THSD7B: variants seen among roughly 807,000 people sequenced by gnomAD.
THSD7B encodes thrombospondin type-1 domain-containing protein 7B.
In THSD7B, 138 loss-of-function variants were observed where a neutral mutation model predicts 213.6. The observed-to-expected ratio is 0.65, with a 90% CI of 0.56 to 0.74. The LOEUF (loss-of-function observed/expected upper bound fraction) is 0.74, where lower values mean the gene tolerates loss of function less well. Ranked by LOEUF, THSD7B falls within the 30% of genes least tolerant of loss-of-function variation. The pLI is 0.00. For synonymous variants in THSD7B, 742 were observed against 687.0 expected, an observed-to-expected ratio of 1.08 and a Z score of -1.25; for missense variants, 1,931 against 1,991.5, an observed-to-expected ratio of 0.97 and a Z score of 0.58.
chr2:137,042,264 A>C (rs1686897562), intron 2 of THSD7B, among the ~76,000 whole-genome samples: 1 of 152,220 alleles, frequency 6.6e-6, no homozygotes, highest in Admixed American at 6.5e-5. Flanking sequence ...TGAACTTATG[A>C]GATATGAATC....
At chr2:136,855,900 G>A (rs1371196411) in intron 1 of THSD7B, among the ~76,000 whole-genome samples, 1 of 151,622 alleles carries the variant, frequency 6.6e-6, no homozygotes, top group Non-Finnish European at 1.5e-5. Context: ...TCCTCTGCCT[G>A]GATTACCCCC....
intron 7 of THSD7B, among the ~76,000 whole-genome samples, chr2:137,184,277 G>C (rs1375586362): frequency 6.6e-6 from 1 of 152,170 alleles, no homozygotes; most frequent in Non-Finnish European, 1.5e-5. Flanking sequence ...GTCCCATGCA[G>C]GAGAGAGGAG....
chr2:137,548,892 G>A (rs1480894394), intron 15 of THSD7B, among the ~76,000 whole-genome samples: 1 of 151,734 alleles, frequency 6.6e-6, no homozygotes, highest in Non-Finnish European at 1.5e-5. Flanking sequence ...AAATTATATT[G>A]ATTTCCTGGG....
chr2:137,365,629 C>A (rs1685389377), intron 12 of THSD7B, among the ~76,000 whole-genome samples: 1 of 152,180 alleles, frequency 6.6e-6, no homozygotes, highest in South Asian at 2.1e-4. Context: ...AGCCAACAGA[C>A]ACATGGAAAA....
At chr2:137,028,463 T>G (rs1441206131) in intron 2 of THSD7B, among the ~76,000 whole-genome samples, 1 of 152,226 alleles carries the variant, frequency 6.6e-6, no homozygotes, top group Non-Finnish European at 1.5e-5. Context: ...CTCCAGAATG[T>G]AGATATTACA....
At chr2:137,063,099 C>A (rs1687309097) in intron 3 of THSD7B, among the ~76,000 whole-genome samples, 1 of 151,636 alleles carries the variant, frequency 6.6e-6, no homozygotes, top group Non-Finnish European at 1.5e-5. Flanking sequence ...CTAAATTCTC[C>A]ATTGTCTGGA....
At chr2:137,424,723 C>T (rs938769756) in intron 14 of THSD7B, among the ~76,000 whole-genome samples, 3 of 152,126 alleles carry the variant, frequency 2.0e-5, no homozygotes, top group African/African-American at 4.8e-5. Flanking sequence ...AGAGTTGGCT[C>T]TCCATATTTA....
At chr2:137,591,954 AAAG>A (rs1317548748) in intron 17 of THSD7B, among the ~76,000 whole-genome samples, 3 of 151,240 alleles carry the variant, frequency 2.0e-5, no homozygotes, top group Non-Finnish European at 4.4e-5. Context: ...TCTTTCTTTT[AAAG>A]AAGACTTCCA....
At chr2:137,254,234 C>T (rs1000240731) in intron 10 of THSD7B, among the ~76,000 whole-genome samples, 1 of 151,986 alleles carries the variant, frequency 6.6e-6, no homozygotes, top group Non-Finnish European at 1.5e-5. Context: ...ATAAAATATC[C>T]AAAAATAAGT....
intron 1 of THSD7B, among the ~76,000 whole-genome samples, chr2:136,789,170 G>GT (rs1553448494): frequency 1.3e-5 from 2 of 151,804 alleles, no homozygotes; most frequent in African/African-American, 4.8e-5. Flanking sequence ...TAACAGTTTG[G>GT]TTTTTTTAAG....
chr2:137,011,788 G>A (rs1374472560), intron 2 of THSD7B, among the ~76,000 whole-genome samples: 1 of 152,184 alleles, frequency 6.6e-6, no homozygotes, highest in Non-Finnish European at 1.5e-5. Flanking sequence ...CTAAGCACTA[G>A]AGTCTGTTCC....
At position 137,583,862 on chromosome 2, in the gene THSD7B, C is replaced by A. The variant is rs945188199; in HGVS notation, c.3423+11306C>A. ...ATATGAACTTTAAAGTAGTTTTTTC[C>A]AATTCTGTGAAGAAAGTCATTGGTA... On this transcript the variant is annotated intron_variant, in intron 17 of 27. Coordinates refer to ENST00000409968, the MANE Select transcript of THSD7B (RefSeq NM_001316349.2). 5.3e-5 allele frequency among the ~76,000 whole-genome samples: 8 copies of A among 152,054 alleles called. No homozygotes were observed. The East Asian group carries it at 5.8e-4, about 11-fold the overall frequency.
At chr2:137,288,987 C>G (rs1429954223) in intron 12 of THSD7B, among the ~76,000 whole-genome samples, 1 of 151,980 alleles carries the variant, frequency 6.6e-6, no homozygotes, top group African/African-American at 2.4e-5. Context: ...CTTGAGTGAA[C>G]TTGGTTGAAC....
At chr2:137,071,348 A>C (rs1687484558) in intron 3 of THSD7B, among the ~76,000 whole-genome samples, 1 of 152,208 alleles carries the variant, frequency 6.6e-6, no homozygotes, top group South Asian at 2.1e-4. Context: ...TGCTGCATAA[A>C]TGTCTTCTTT....
chr2:137,073,949 A>G (rs1211586043), intron 3 of THSD7B, among the ~76,000 whole-genome samples: 6 of 152,132 alleles, frequency 3.9e-5, no homozygotes, highest in African/African-American at 1.4e-4. Flanking sequence ...GGTCTGAGAG[A>G]CAGTTTGTTA....
At chr2:136,993,192 A>G (rs1428309347) in intron 2 of THSD7B, among the ~76,000 whole-genome samples, 1 of 152,244 alleles carries the variant, frequency 6.6e-6, no homozygotes, top group African/African-American at 2.4e-5. Context: ...TGTATATGAG[A>G]ACAAATCATT....
chr2:136,886,788 AGGAGCT>A (rs1219916772), intron 2 of THSD7B, among the ~76,000 whole-genome samples: 1 of 152,184 alleles, frequency 6.6e-6, no homozygotes, highest in African/African-American at 2.4e-5. Flanking sequence ...TGGGCTGAGA[AGGAGCT>A]GGTATACAGG....
chr2:137,039,519 C>T (rs1289916242), intron 2 of THSD7B, among the ~76,000 whole-genome samples: 1 of 152,142 alleles, frequency 6.6e-6, no homozygotes, highest in Non-Finnish European at 1.5e-5. Context: ...TATCTGGCCC[C>T]AAATGTTTAA....
At chr2:136,776,404 C>T (rs1427601) in intron 1 of THSD7B, among the ~76,000 whole-genome samples, 142,016 of 152,202 alleles carry the variant, frequency 0.93, 66,478 homozygotes, top group Non-Finnish European at 0.97. Context: ...AATGCCCTCC[C>T]ATGGCCTCCC....
Sources: allele counts gnomAD v4.1 joint callset (sites outside exome capture counted in the v4.1 genomes callset), GRCh38; gene constraint gnomAD v4.1.1; transcripts MANE v1.5; gene names NCBI Gene and HGNC (gene_info 2026-07-23, HGNC 2026-07-21).